The following SGCZ variants were observed in gnomAD, a reference collection of about 807,000 sequenced individuals.
SGCZ encodes the protein zeta-sarcoglycan.
SGCZ carries 40 observed loss-of-function variants against 41.3 expected under a neutral mutation model. The ratio of observed to expected loss-of-function variants is 0.97; its 90% CI spans 0.75 to 1.26. The LOEUF is 1.26. SGCZ is among the 50% of genes most tolerant of loss of function. The probability of loss-of-function intolerance (pLI) is 0.00; values close to 1 mark genes in which losing one functional copy is unlikely to be tolerated. For synonymous variants in SGCZ, 206 were observed against 137.5 expected (o/e 1.50, Z -3.49); for missense variants, 552 against 369.8 (o/e 1.49, Z -4.04).
At chr8:14,644,028 G>A (rs1807119042) in intron 1 of SGCZ, among the ~76,000 whole-genome samples, 1 of 151,462 alleles carries the variant, frequency 6.6e-6, no homozygotes, top group Non-Finnish European at 1.5e-5. Flanking sequence ...TTACATGTAA[G>A]GTCTATCAAG....
intron 1 of SGCZ, among the ~76,000 whole-genome samples, chr8:14,774,119 C>T (rs1410924163): frequency 6.6e-6 from 1 of 152,114 alleles, no homozygotes; most frequent in Non-Finnish European, 1.5e-5. Context: ...GTAAAGCAGA[C>T]TGCCCTCCAT....
intron 1 of SGCZ, among the ~76,000 whole-genome samples, chr8:14,913,714 A>T (rs1799344959): frequency 6.6e-6 from 1 of 152,100 alleles, no homozygotes; most frequent in Non-Finnish European, 1.5e-5. Context: ...ATAAATGATA[A>T]GATTGTGTTC....
chr8:14,618,867 C>T (rs892137402), intron 1 of SGCZ, among the ~76,000 whole-genome samples: 1 of 151,978 alleles, frequency 6.6e-6, no homozygotes, highest in Admixed American at 6.6e-5. Flanking sequence ...AAGATAACAC[C>T]AATATTTGGC....
chr8:14,145,410 AG>A lies in SGCZ; in HGVS notation c.547+19169del, dbSNP rs543111407. ...TTGGGATACACCCTATAGCAGATAC[AG>A]GTTAGATCACAACACCCAAGTCCTT... is the stretch of plus-strand genomic sequence containing the variant. On this transcript the variant is annotated intron_variant, in intron 5 of 7. Transcript: ENST00000382080. Among the ~76,000 whole-genome samples the A allele has an allele frequency of 1.2e-3, 179 of 152,312 alleles. 1 individual carries two copies. The highest frequency in any genetic ancestry group is 4.1e-3 in the African/African-American group (171 of 41,574).
At chr8:14,417,455 G>A (rs11203604) in intron 2 of SGCZ, among the ~76,000 whole-genome samples, 103,482 of 151,630 alleles carry the variant, frequency 0.68, 35,415 homozygotes, top group East Asian at 0.83. Flanking sequence ...TATTTCCCCA[G>A]TGATTATTAT....
chr8:15,051,498 A>T (rs1240267265), intron 1 of SGCZ, among the ~76,000 whole-genome samples: 2 of 152,062 alleles, frequency 1.3e-5, no homozygotes, highest in African/African-American at 4.8e-5. Context: ...CTTGGTGGAC[A>T]TATGCGTATA....
chr8:15,073,400 A>G (rs912865294), intron 1 of SGCZ, among the ~76,000 whole-genome samples: 1 of 152,162 alleles, frequency 6.6e-6, no homozygotes, highest in Admixed American at 6.5e-5. Context: ...ATCACTCACA[A>G]ATCCTGAGTA....
At chr8:14,668,341 GT>G (rs142684468) in intron 1 of SGCZ, among the ~76,000 whole-genome samples, 2 of 152,018 alleles carry the variant, frequency 1.3e-5, no homozygotes, top group Non-Finnish European at 2.9e-5. Context: ...TGAATATATG[GT>G]TTTTTCAGTC....
At chr8:14,577,473 C>T (rs1330286415) in intron 1 of SGCZ, among the ~76,000 whole-genome samples, 1 of 148,368 alleles carries the variant, frequency 6.7e-6, no homozygotes, top group Non-Finnish European at 1.5e-5. Flanking sequence ...ACTGCAACCT[C>T]TGCCTCCCAG....
chr8:14,864,464 A>G (rs941206140), intron 1 of SGCZ, among the ~76,000 whole-genome samples: 1 of 152,190 alleles, frequency 6.6e-6, no homozygotes, highest in Non-Finnish European at 1.5e-5. Context: ...CTATTAGCAT[A>G]TAACATACAA....
chr8:14,563,821 G>C (rs1303268863), intron 1 of SGCZ, among the ~76,000 whole-genome samples: 1 of 152,032 alleles, frequency 6.6e-6, no homozygotes, highest in Non-Finnish European at 1.5e-5. Context: ...TCACTAAGTA[G>C]TCAAAAGATA....
intron 1 of SGCZ, among the ~76,000 whole-genome samples, chr8:15,142,585 A>G (rs1280777769): frequency 6.6e-6 from 1 of 151,810 alleles, no homozygotes; most frequent in East Asian, 1.9e-4. Context: ...ATCACCCCCC[A>G]ATTACCATCC....
At chr8:14,277,750 C>A (rs966273908) in intron 3 of SGCZ, among the ~76,000 whole-genome samples, 24 of 152,096 alleles carry the variant, frequency 1.6e-4, no homozygotes, top group African/African-American at 5.8e-4. Flanking sequence ...TTTCTTCACC[C>A]ACTCACAACC....
chr8:15,169,276 G>A (rs1474089679), intron 1 of SGCZ, among the ~76,000 whole-genome samples: 10 of 152,160 alleles, frequency 6.6e-5, no homozygotes, highest in Admixed American at 5.9e-4. Flanking sequence ...AGACAGCCAG[G>A]GAGGAGGGTG....
chr8:14,126,801 G>C (rs1563141711), intron 5 of SGCZ, among the ~76,000 whole-genome samples: 1 of 152,296 alleles, frequency 6.6e-6, no homozygotes, highest in South Asian at 2.1e-4. Flanking sequence ...ATACTATGCA[G>C]CCATAAAAGG....
intron 4 of SGCZ, among the ~76,000 whole-genome samples, chr8:14,232,155 A>G (rs150522153): frequency 2.4e-4 from 37 of 151,896 alleles, no homozygotes; most frequent in African/African-American, 7.9e-4. Flanking sequence ...ATACATATAT[A>G]TTTAATTTCA....
intron 1 of SGCZ, among the ~76,000 whole-genome samples, chr8:14,936,532 G>A (rs1026416370): frequency 1.3e-5 from 2 of 151,754 alleles, no homozygotes; most frequent in African/African-American, 4.8e-5. Context: ...TGTCACTTTT[G>A]CACCACCATG....
chr8:14,829,984 C>A (rs1226975820), intron 1 of SGCZ, among the ~76,000 whole-genome samples: 7 of 151,968 alleles, frequency 4.6e-5, no homozygotes. Context: ...CTAATTTTTT[C>A]TATTTTTTAG....
At chr8:14,239,348 A>G (rs1806888675) in intron 3 of SGCZ, among the ~76,000 whole-genome samples, 2 of 152,156 alleles carry the variant, frequency 1.3e-5, no homozygotes, top group African/African-American at 4.8e-5. Flanking sequence ...TGAATTAAAC[A>G]CATTTGAATA....
Sources: gnomAD v4.1 joint callset for allele counts (sites outside exome capture counted in the v4.1 genomes callset) on GRCh38, gnomAD v4.1.1 for gene constraint, MANE v1.5 for transcripts, NCBI Gene and HGNC (gene_info 2026-07-23, HGNC 2026-07-21) for gene names.